ZNF362: variants seen among roughly 807,000 people sequenced by gnomAD.
ZNF362 encodes rotund homolog.
ZNF362 carries 11 observed loss-of-function variants against 42.9 expected under a neutral mutation model. The ratio of observed to expected loss-of-function variants is 0.26; its 90% CI spans 0.16 to 0.42. The LOEUF (loss-of-function observed/expected upper bound fraction) is 0.42, where lower values mean the gene tolerates loss of function less well. Among genes scored for constraint, ZNF362 ranks in the 20% least tolerant of loss-of-function variants. ZNF362 has a pLI of 1.00. For missense variants in ZNF362, 362 were observed against 576.2 expected (o/e 0.63, Z 3.81); for synonymous variants, 255 against 257.3 (o/e 0.99, Z 0.09).
At chr1:33,177,142 T>C in the ZNF362 span, among the ~76,000 whole-genome samples, 3 of 152,022 alleles carry the variant, frequency 2.0e-5, no homozygotes, top group African/African-American at 2.4e-5. The surrounding 1 kb of genome is among the most constrained non-coding windows in gnomAD (Gnocchi z 4.1). Context: ...CACACGCACA[T>C]GCACACCCAC....
chr1:33,128,603 A>T, the ZNF362 span, among the ~76,000 whole-genome samples: 1 of 152,230 alleles, frequency 6.6e-6, no homozygotes, highest in African/African-American at 2.4e-5. Context: ...CTGTGTCTAC[A>T]GGGAGCCTGT....
the ZNF362 span, among the ~76,000 whole-genome samples, chr1:33,207,909 T>C: frequency 6.6e-6 from 1 of 152,200 alleles, no homozygotes; most frequent in African/African-American, 2.4e-5. Flanking sequence ...CTGTTCACTC[T>C]GATGATAGTT....
chr1:33,265,509 GGGAA>G (rs766846502), intron 1 of ZNF362, among the ~76,000 whole-genome samples: 1 of 152,044 alleles, frequency 6.6e-6, no homozygotes, highest in East Asian at 1.9e-4. Flanking sequence ...TTTCCTTCCG[GGGAA>G]GGAAGTTCCC....
chr1:33,144,047 G>T, the ZNF362 span, among the ~76,000 whole-genome samples: 1 of 152,090 alleles, frequency 6.6e-6, no homozygotes, highest in African/African-American at 2.4e-5. Context: ...AGTGTCTGAT[G>T]GCATTCATGA....
chr1:33,232,036 T>C, the ZNF362 span, among the ~76,000 whole-genome samples: 1 of 152,226 alleles, frequency 6.6e-6, no homozygotes, highest in East Asian at 1.9e-4. Context: ...GAAAGGCCTG[T>C]TTTGCTTGGG....
the ZNF362 span, among the ~76,000 whole-genome samples, chr1:33,206,747 A>G: frequency 6.6e-6 from 1 of 152,240 alleles, no homozygotes; most frequent in Non-Finnish European, 1.5e-5. Flanking sequence ...TAATAGTAAA[A>G]CACACATCTC....
At chr1:33,182,952 A>G in the ZNF362 span, among the ~76,000 whole-genome samples, 3 of 152,162 alleles carry the variant, frequency 2.0e-5, no homozygotes, top group Admixed American at 1.3e-4. Context: ...GATAATCATT[A>G]TACCATCTGC....
At chr1:33,144,892 A>G in the ZNF362 span, among the ~76,000 whole-genome samples, 3 of 152,240 alleles carry the variant, frequency 2.0e-5, no homozygotes, top group Non-Finnish European at 4.4e-5. Context: ...TCTGGGAGGC[A>G]GCTGGGGGGA....
intron 2 of ZNF362, 95 bp from the exon 3 acceptor site, chr1:33,276,005 C>T: frequency 2.9e-6 from 4 of 1,399,456 alleles, no homozygotes; most frequent in East Asian, 4.6e-5. Flanking sequence ...GGATCCCAGA[C>T]ACTGGCCCTG....
chr1:33,176,374 C>G, the ZNF362 span: 1 of 680,002 alleles, frequency 1.5e-6, no homozygotes, highest in South Asian at 1.5e-5. Flanking sequence ...TGGGTGGCTG[C>G]CTTGGTGTCA....
At chr1:33,268,670 A>G (rs150874364) in intron 1 of ZNF362, among the ~76,000 whole-genome samples, 4 of 152,278 alleles carry the variant, frequency 2.6e-5, no homozygotes, top group Non-Finnish European at 5.9e-5. Flanking sequence ...AGAGAGCACC[A>G]GGGAGAGGAT....
the ZNF362 span, among the ~76,000 whole-genome samples, chr1:33,240,970 C>T: frequency 9.8e-5 from 15 of 152,288 alleles, no homozygotes; most frequent in Middle Eastern, 3.4e-3. Context: ...TTGCACCACA[C>T]GAAGCTGTGC....
At chr1:33,137,127 A>G in the ZNF362 span, among the ~76,000 whole-genome samples, 1 of 152,142 alleles carries the variant, frequency 6.6e-6, no homozygotes, top group Non-Finnish European at 1.5e-5. Context: ...TGAGGAAAAC[A>G]TCTCTTCTGT....
chr1:33,261,903 A>G (rs1030711348), intron 1 of ZNF362, among the ~76,000 whole-genome samples: 1 of 152,182 alleles, frequency 6.6e-6, no homozygotes, highest in East Asian at 1.9e-4. Context: ...AGGCAGGGGA[A>G]AGTGCTCAAT....
chr1:33,157,044 A>G, the ZNF362 span, among the ~76,000 whole-genome samples: 1 of 146,510 alleles, frequency 6.8e-6, no homozygotes, highest in South Asian at 2.2e-4. Flanking sequence ...CCTTCGGTCT[A>G]TTCTCAACCC....
the ZNF362 span, among the ~76,000 whole-genome samples, chr1:33,135,593 G>C: frequency 6.6e-6 from 1 of 152,316 alleles, no homozygotes; most frequent in East Asian, 1.9e-4. Context: ...TGGATCCTCA[G>C]CCACACAGCC....
chr1:33,177,669 G>A, the ZNF362 span, among the ~76,000 whole-genome samples: 4 of 152,106 alleles, frequency 2.6e-5, no homozygotes, highest in African/African-American at 4.8e-5. The surrounding 1 kb of genome is among the most constrained non-coding windows in gnomAD (Gnocchi z 4.1). Flanking sequence ...CACAACTTGC[G>A]GGGTGGGTGG....
chr1:33,240,221 G>A, the ZNF362 span, among the ~76,000 whole-genome samples: 1 of 152,156 alleles, frequency 6.6e-6, no homozygotes, highest in Non-Finnish European at 1.5e-5. Flanking sequence ...GGAACAAACT[G>A]ACAATCACCT....
upstream of ZNF362, among the ~76,000 whole-genome samples, chr1:33,254,123 G>GTTATGTGTCT (rs56082717): frequency 0.99 from 149,811 of 151,398 alleles, 74,140 homozygotes; most frequent in Middle Eastern, 1. Flanking sequence ...ACATTTAGTA[G>GTTATGTGTCT]TTCGTCTGTT....
Sources: gnomAD v4.1 joint callset for allele counts (sites outside exome capture counted in the v4.1 genomes callset) on GRCh38, gnomAD v4.1.1 for gene constraint, Gnocchi (gnomAD v3.1) non-coding constraint, MANE v1.5 for transcripts, NCBI Gene and HGNC (gene_info 2026-07-23, HGNC 2026-07-21) for gene names.